The following LIG1 variants were observed in gnomAD, a reference collection of about 807,000 sequenced individuals.
LIG1 encodes DNA ligase 1.
LIG1 carries 70 observed loss-of-function variants against 115.7 expected under a neutral mutation model. The observed-to-expected ratio is 0.60, with a 90% CI of 0.50 to 0.74. LIG1 has a LOEUF of 0.74. Ranked by LOEUF, LIG1 falls within the 30% of genes least tolerant of loss-of-function variation. The pLI, the probability that LIG1 is intolerant of heterozygous loss-of-function variation, is 0.00. For missense variants in LIG1, 1,115 were observed against 1,225.6 expected (o/e 0.91, Z 1.35); for synonymous variants, 487 against 495.3 (o/e 0.98, Z 0.22).
intron 24 of LIG1, chr19:48,120,337 G>C (rs1216332412): frequency 1.0e-6 from 1 of 985,226 alleles, no homozygotes; most frequent in African/African-American, 1.7e-5. Context: ...AGTACTTCCA[G>C]GGTAAAAAGG....
intron 24 of LIG1, chr19:48,120,278 C>T: frequency 1.0e-6 from 1 of 985,372 alleles, no homozygotes; most frequent in Non-Finnish European, 1.2e-6. Context: ...TGCGGGCATT[C>T]AGGTCCTGTT....
intron 26 of LIG1, among the ~76,000 whole-genome samples, chr19:48,116,393 A>G (rs2122251382): frequency 6.9e-6 from 1 of 143,902 alleles, no homozygotes; most frequent in East Asian, 2.1e-4. Flanking sequence ...GCTTGCAGTG[A>G]GCTGAGATTG....
chr19:48,127,462 C>T, intron 20 of LIG1, 114 bp from the exon 21 acceptor site: 1 of 977,128 alleles, frequency 1.0e-6, no homozygotes, highest in Non-Finnish European at 1.6e-6. Flanking sequence ...AACTGGCTGC[C>T]CATCTGTGAG....
rs533897830 is a variant in LIG1 at position 48,136,039 on chromosome 19, C to T, written c.1418G>A (p.Gly473Asp). The T allele has an allele frequency of 2.2e-5, 34 of 1,562,798 alleles. No homozygotes were observed. The South Asian group carries it at 3.2e-4, about 15-fold the overall frequency. Residue 473 changes from glycine (G) to aspartate (D), a missense_variant, in exon 15 of 28, where the codon GGC becomes GAC. Coordinates refer to ENST00000263274, the MANE Select transcript of LIG1 (RefSeq NM_000234.3). Reference sequence around the variant, plus strand: ...GACGGGCCACAGGAGCTCACCTTGGCCCGGGGGCGTGAGGCTCACTGCCTG... The same window carrying T: ...GACGGGCCACAGGAGCTCACCTTGGTCCGGGGGCGTGAGGCTCACTGCCTG... ...LSQAVSLTPP[G>D]QEFPPAMVDA...
chr19:48,157,255 T>C (rs1599864271), intron 4 of LIG1, 115 bp from the exon 5 acceptor site: 19 of 1,221,636 alleles, frequency 1.6e-5, no homozygotes, highest in Non-Finnish European at 1.8e-5. Context: ...TCTGACCCTA[T>C]GGTCTCAGCC....
chr19:48,138,014 A>C, intron 12 of LIG1: 1 of 443,522 alleles, frequency 2.3e-6, no homozygotes, highest in Non-Finnish European at 4.2e-6. Flanking sequence ...CAAGGTCACT[A>C]GGGAAGTGAG....
At chr19:48,143,380 G>A (rs1017265933) in intron 11 of LIG1, among the ~76,000 whole-genome samples, 163 bp downstream of exon 11, 14 of 152,330 alleles carry the variant, frequency 9.2e-5, no homozygotes, top group African/African-American at 3.4e-4. Flanking sequence ...AAGAGGACCT[G>A]CAGCCGCTTT....
chr19:48,134,784 T>C (rs1208117278), intron 16 of LIG1, among the ~76,000 whole-genome samples: 1 of 152,256 alleles, frequency 6.6e-6, no homozygotes, highest in African/African-American at 2.4e-5. Context: ...AGAGTTGAGC[T>C]TGCTGCCCGG....
chr19:48,165,709 G>GAAAA, intron 1 of LIG1, 86 bp from the exon 2 acceptor site: 94 of 785,124 alleles, frequency 1.2e-4, no homozygotes, highest in South Asian at 2.9e-4. Context: ...AAGAAAGAAA[G>GAAAA]AAAAAAAAAA....
At chr19:48,153,649 C>G (rs2035617207) in intron 6 of LIG1, among the ~76,000 whole-genome samples, 1 of 132,972 alleles carries the variant, frequency 7.5e-6, no homozygotes, top group Non-Finnish European at 1.6e-5. Context: ...CACACACACA[C>G]ACACACACAC....
chr19:48,155,648 C>A (rs1432617752), intron 5 of LIG1, among the ~76,000 whole-genome samples: 3 of 152,130 alleles, frequency 2.0e-5, no homozygotes, highest in Admixed American at 6.6e-5. Context: ...GGGGAAAAAA[C>A]CAGGTTGAAC....
In LIG1 at chr19:48,162,772, G is replaced by A. The variant is rs3730851; in HGVS notation, c.18-421C>T. On this transcript the variant is annotated intron_variant, in intron 2 of 27. Coordinates refer to ENST00000263274, the MANE Select transcript of LIG1 (RefSeq NM_000234.3). ...ACCATTTCCATCTCAGCACATAACA[G>A]AGAATTTCAAATAAGCCCTTTAACT... is the stretch of plus-strand genomic sequence containing the variant. Among the ~76,000 whole-genome samples, 1,285 of 152,124 alleles carry A rather than the reference G, an allele frequency of 8.4e-3. 15 individuals carry two copies. The highest frequency in any genetic ancestry group is 0.029 in the African/African-American group (1,215 of 41,490).
chr19:48,159,745 T>TCTTG (rs957649497), intron 4 of LIG1, among the ~76,000 whole-genome samples: 11 of 151,878 alleles, frequency 7.2e-5, no homozygotes, highest in Non-Finnish European at 8.8e-5. Context: ...TGAGACAGAG[T>TCTTG]CTTGCTCTGT....
intron 21 of LIG1, among the ~76,000 whole-genome samples, chr19:48,124,747 G>A (rs750121517): frequency 7.9e-5 from 12 of 152,216 alleles, no homozygotes; most frequent in Non-Finnish European, 1.8e-4. Flanking sequence ...TACTGCAGTG[G>A]CTCATGCCTG....
intron 4 of LIG1, among the ~76,000 whole-genome samples, chr19:48,159,031 T>G (rs1340951054): frequency 6.6e-6 from 1 of 152,142 alleles, no homozygotes; most frequent in Admixed American, 6.5e-5. Flanking sequence ...ATCACTGGTA[T>G]GGTTTCTGTC....
rs556965036 is a variant in LIG1, at chr19:48,137,855, C to T, written c.1088-167G>A. ...CACTTGGTAGAAATGGCTTGGGGAA[C>T]GTGCCCCCAGCCACGCTGGCTGTAG... On this transcript the variant is annotated intron_variant, in intron 12 of 27. Coordinates refer to ENST00000263274, the MANE Select transcript of LIG1 (RefSeq NM_000234.3). This position sits in a 1 kb window ranked among gnomAD's most constrained non-coding sequence, Gnocchi z 4.3. 9.7e-5 allele frequency: 81 copies of T among 832,878 alleles called. 2 individuals carry two copies. The East Asian group carries it at 1.6e-3, about 17-fold the overall frequency. The allele number at this position is 832,878 out of a possible 1,614,324, so 51.6% of individuals were successfully genotyped here. A position where few individuals can be genotyped will look rare whatever the true frequency, so the allele number is the denominator to read the frequency against.
intron 5 of LIG1, among the ~76,000 whole-genome samples, chr19:48,156,012 G>A (rs955866730): frequency 1.1e-4 from 17 of 152,146 alleles, no homozygotes; most frequent in African/African-American, 4.1e-4. Flanking sequence ...GGCTCACACT[G>A]CCCCGCATTA....
chr19:48,165,130 G>C (rs1343907685), intron 2 of LIG1, among the ~76,000 whole-genome samples: 1 of 152,146 alleles, frequency 6.6e-6, no homozygotes, highest in Non-Finnish European at 1.5e-5. Flanking sequence ...GTGGTGGCAC[G>C]TGCCTATAAT....
At chr19:48,120,897 A>C (rs1265085362) in intron 24 of LIG1, 2 of 1,259,412 alleles carry the variant, frequency 1.6e-6, no homozygotes, top group African/African-American at 3.1e-5. Context: ...TTCATAACAA[A>C]AAAATTCTTT....
Sources: allele counts gnomAD v4.1 joint callset (sites outside exome capture counted in the v4.1 genomes callset), GRCh38; gene constraint gnomAD v4.1.1; non-coding constraint Gnocchi (gnomAD v3.1); transcripts MANE v1.5; gene names NCBI Gene and HGNC (gene_info 2026-07-23, HGNC 2026-07-21).